Variants in DGKB observed in about 807,000 individuals in gnomAD.
DGKB encodes diacylglycerol kinase beta, also known as 90 kDa diacylglycerol kinase.
Under a neutral mutation model 114.3 loss-of-function variants are expected in DGKB, and 67 were observed. The ratio of observed to expected loss-of-function variants is 0.59; its 90% confidence interval spans 0.48 to 0.72. The LOEUF (loss-of-function observed/expected upper bound fraction) is 0.72, where lower values mean the gene tolerates loss of function less well. Among genes scored for constraint, DGKB ranks in the 30% least tolerant of loss-of-function variants. DGKB has a pLI of 0.00. For missense variants in DGKB, 907 were observed against 975.2 expected (o/e 0.93, Z 0.93); for synonymous variants, 398 against 323.1 (o/e 1.23, Z -2.49).
At chr7:14,675,582 G>T (rs111439017) in intron 12 of DGKB, among the ~76,000 whole-genome samples, 21 of 151,692 alleles carry the variant, frequency 1.4e-4, no homozygotes, top group African/African-American at 3.9e-4. Context: ...TTGATTCCAT[G>T]AAATTCTGGT....
intron 23 of DGKB, among the ~76,000 whole-genome samples, chr7:14,298,638 A>G (rs1006113277): frequency 3.3e-5 from 5 of 152,202 alleles, no homozygotes; most frequent in African/African-American, 1.2e-4. Flanking sequence ...ATGGGCAAAG[A>G]CTGCATGACT....
intron 21 of DGKB, among the ~76,000 whole-genome samples, chr7:14,385,980 A>G (rs1820277249): frequency 6.6e-6 from 1 of 152,258 alleles, no homozygotes; most frequent in South Asian, 2.1e-4. Context: ...GCTAAATTTC[A>G]GTGAAGTGAA....
intron 23 of DGKB, among the ~76,000 whole-genome samples, chr7:14,286,699 T>G (rs1056465220): frequency 6.6e-6 from 1 of 152,156 alleles, no homozygotes; most frequent in African/African-American, 2.4e-5. Context: ...GAAACTTTCC[T>G]AAATTTATGG....
chr7:14,355,671 T>C (rs527967425), intron 21 of DGKB, among the ~76,000 whole-genome samples: 4 of 152,310 alleles, frequency 2.6e-5, no homozygotes, highest in East Asian at 1.9e-4. Flanking sequence ...CTGCTGGATT[T>C]GGTTTGCCAG....
chr7:14,762,725 A>G lies in DGKB; in HGVS notation c.71-4994T>C, dbSNP rs73682536. ...TTGTCAGATTAATCTCAAAGGCCCC[A>G]TGAAGTAACGGAGAGATTTAAAGCC... is the stretch of plus-strand genomic sequence containing the variant. On this transcript the variant is annotated intron_variant, in intron 2 of 25. Transcript: ENST00000402815. 7.2e-3 allele frequency among the ~76,000 whole-genome samples: 1,092 copies of G among 152,202 alleles called. 18 individuals carry two copies. Among genetic ancestry groups the G allele is most frequent in the African/African-American group, 0.026 (1,064 of 41,540 alleles).
At chr7:14,318,237 A>G (rs1456903915) in intron 23 of DGKB, among the ~76,000 whole-genome samples, 2 of 136,136 alleles carry the variant, frequency 1.5e-5, no homozygotes, top group Non-Finnish European at 3.2e-5. Context: ...CAAGGACTTC[A>G]TGTCTAAAAC....
intron 17 of DGKB, among the ~76,000 whole-genome samples, chr7:14,592,950 G>C (rs1801946097): frequency 6.6e-6 from 1 of 151,910 alleles, no homozygotes; most frequent in Non-Finnish European, 1.5e-5. Context: ...AGAGTTTTGA[G>C]ATATTGTGTG....
At chr7:14,683,718 C>A (rs536814983) in intron 10 of DGKB, among the ~76,000 whole-genome samples, 2 of 151,888 alleles carry the variant, frequency 1.3e-5, no homozygotes, top group African/African-American at 2.4e-5. Context: ...CTAACCACTG[C>A]CTCAAATTAA....
intron 1 of DGKB, among the ~76,000 whole-genome samples, chr7:14,943,334 G>A (rs1562892795): frequency 6.6e-6 from 1 of 151,380 alleles, no homozygotes; most frequent in African/African-American, 2.4e-5. Flanking sequence ...TATGCCATAA[G>A]AAAAAAACCT....
At chr7:14,953,511 C>T (rs958699634) in intron 1 of DGKB, among the ~76,000 whole-genome samples, 1 of 152,002 alleles carries the variant, frequency 6.6e-6, no homozygotes, top group African/African-American at 2.4e-5. Context: ...TATCACTTCC[C>T]ACACACGAGG....
Position 14,942,490 on chromosome 7 carries a change from A to C in DGKB, c.-188+32206T>G, listed in dbSNP as rs114320865. On this transcript the variant is annotated intron_variant, in intron 1 of 4. Transcript: ENST00000437998. ...TCTTTTATGTTTCTATGTTTTTACA[A>C]GTGGATGATTACGGTCATAGTCTCC... Among the ~76,000 whole-genome samples, 880 of 152,056 alleles carry C rather than the reference A, an allele frequency of 5.8e-3. 12 individuals carry two copies. Among genetic ancestry groups the C allele is most frequent in the African/African-American group, 0.02 (812 of 41,514 alleles).
At chr7:14,437,832 G>C (rs542032314) in intron 21 of DGKB, among the ~76,000 whole-genome samples, 1 of 150,706 alleles carries the variant, frequency 6.6e-6, no homozygotes, top group East Asian at 1.9e-4. Flanking sequence ...TTGTGCCTTA[G>C]AGAATTCTAG....
intron 2 of DGKB, among the ~76,000 whole-genome samples, chr7:14,763,446 T>G (rs1157728146): frequency 6.6e-6 from 1 of 152,102 alleles, no homozygotes; most frequent in Non-Finnish European, 1.5e-5. Flanking sequence ...TAACAAATAT[T>G]CACTCCACTT....
chr7:14,398,927 C>T (rs763402460), intron 21 of DGKB, among the ~76,000 whole-genome samples: 22 of 151,804 alleles, frequency 1.4e-4, no homozygotes, highest in Middle Eastern at 3.2e-3. Flanking sequence ...AGGGGCTGCT[C>T]GAATGCAACC....
chr7:14,219,857 T>G (rs1350508262), intron 23 of DGKB, among the ~76,000 whole-genome samples: 1 of 151,788 alleles, frequency 6.6e-6, no homozygotes, highest in Non-Finnish European at 1.5e-5. Context: ...GAATCAAGTT[T>G]ATGAAGATTT....
chr7:14,516,236 C>G (rs902245103), intron 20 of DGKB, among the ~76,000 whole-genome samples: 1 of 152,048 alleles, frequency 6.6e-6, no homozygotes, highest in Admixed American at 6.6e-5. Context: ...TTGGAATTCT[C>G]AGCAAATGAA....
chr7:14,471,236 T>C (rs71529365), intron 21 of DGKB, among the ~76,000 whole-genome samples: 82 of 135,266 alleles, frequency 6.1e-4, no homozygotes, highest in South Asian at 1.5e-3. Context: ...GTATGGAATA[T>C]ATGTATACAT....
At chr7:14,195,329 A>G (rs1329533475) in intron 23 of DGKB, among the ~76,000 whole-genome samples, 2 of 152,152 alleles carry the variant, frequency 1.3e-5, no homozygotes, top group African/African-American at 4.8e-5. Context: ...GCGCTCATGA[A>G]TGAAGGCTGA....
chr7:14,260,519 T>G (rs1489095997), intron 23 of DGKB, among the ~76,000 whole-genome samples: 1 of 152,202 alleles, frequency 6.6e-6, no homozygotes, highest in Admixed American at 6.5e-5. Context: ...ATGATCATCA[T>G]TTTATAAGAA....
Sources: allele counts gnomAD v4.1 joint callset (sites outside exome capture counted in the v4.1 genomes callset), GRCh38; gene constraint gnomAD v4.1.1; transcripts MANE v1.5; gene names NCBI Gene and HGNC (gene_info 2026-07-23, HGNC 2026-07-21).